The following TANC2 variants were observed in gnomAD, a reference collection of about 807,000 sequenced individuals.
TANC2 encodes protein TANC2.
TANC2 carries 26 observed loss-of-function variants against 210.5 expected under a neutral mutation model. The ratio of observed to expected loss-of-function variants is 0.12; its 90% CI spans 0.09 to 0.17. TANC2 has a LOEUF of 0.17. Ranked by LOEUF, TANC2 falls within the 10% of genes least tolerant of loss-of-function variation. The probability of loss-of-function intolerance (pLI) is 1.00; values close to 1 mark genes in which losing one functional copy is unlikely to be tolerated. For missense variants in TANC2, 2,129 were observed against 2,608.9 expected (o/e 0.82, Z 4.01); for synonymous variants, 931 against 967.1 (o/e 0.96, Z 0.69).
At chr17:62,999,663 A>G (rs973625273) in intron 1 of TANC2, among the ~76,000 whole-genome samples, 6 of 151,944 alleles carry the variant, frequency 3.9e-5, no homozygotes, top group African/African-American at 1.2e-4. Context: ...ATTAGCATCA[A>G]TGTGTTTTAT....
chr17:63,412,241 T>C lies in TANC2; in HGVS notation c.3898+111T>C. ...AGTGTATATAGTTCCCCCTCCTCCC[T>C]GGCCCAATTATTGTCCAAGTGAACA... On this transcript the variant is annotated intron_variant, in intron 23 of 27. Transcript: ENST00000689528. This position sits in a 1 kb window ranked among gnomAD's most constrained non-coding sequence, Gnocchi z 4.2. 1 of 1,447,428 alleles carries C rather than the reference T, an allele frequency of 6.9e-7. No individual in the cohort carries two copies. Among genetic ancestry groups the C allele is most frequent in the Non-Finnish European group, 9.4e-7 (1 of 1,065,898 alleles). 89.7% of individuals were successfully genotyped at this position (1,447,428 alleles called of 1,614,324 possible).
intron 4 of TANC2, among the ~76,000 whole-genome samples, chr17:63,135,740 C>G (rs906013638): frequency 6.6e-6 from 1 of 152,080 alleles, no homozygotes; most frequent in Non-Finnish European, 1.5e-5. Flanking sequence ...AGAAGTTGGT[C>G]TGACAAACAG....
At chr17:63,048,762 AAG>A (rs2035473334) in intron 2 of TANC2, among the ~76,000 whole-genome samples, 1 of 152,120 alleles carries the variant, frequency 6.6e-6, no homozygotes, top group African/African-American at 2.4e-5. Context: ...CATGGAGACA[AAG>A]AGGGGAACAA....
At chr17:63,120,597 T>G (rs1340673767) in intron 4 of TANC2, 1 of 152,098 alleles carries the variant, frequency 6.6e-6, no homozygotes, top group African/African-American at 2.4e-5. Flanking sequence ...GTGGATTGCT[T>G]GAGCTCAGGA....
intron 8 of TANC2, among the ~76,000 whole-genome samples, chr17:63,253,937 T>C (rs762644850): frequency 6.6e-6 from 1 of 152,206 alleles, no homozygotes; most frequent in African/African-American, 2.4e-5. Flanking sequence ...GCATGAGCAC[T>C]GTGCCTGCTG....
At chr17:63,290,711 C>T (rs1427349128) in intron 9 of TANC2, among the ~76,000 whole-genome samples, 1 of 152,016 alleles carries the variant, frequency 6.6e-6, no homozygotes, top group Non-Finnish European at 1.5e-5. Flanking sequence ...GAGGGTTAAT[C>T]TAGTGCCGCT....
intron 5 of TANC2, among the ~76,000 whole-genome samples, chr17:63,158,348 A>G (rs1191687900): frequency 2.0e-5 from 3 of 152,242 alleles, no homozygotes; most frequent in Non-Finnish European, 1.5e-5. Flanking sequence ...ATTGCTAACA[A>G]CATATTTCTC....
At chr17:63,161,994 A>T (rs2040043039) in intron 5 of TANC2, among the ~76,000 whole-genome samples, 1 of 152,166 alleles carries the variant, frequency 6.6e-6, no homozygotes, top group African/African-American at 2.4e-5. Context: ...CCACTTTGGT[A>T]GAATCTTGAT....
intron 8 of TANC2, among the ~76,000 whole-genome samples, chr17:63,253,312 T>C (rs1318754852): frequency 6.6e-6 from 1 of 152,208 alleles, no homozygotes; most frequent in Non-Finnish European, 1.5e-5. Context: ...TATAGAGTTA[T>C]TTGAGCTCCT....
chr17:63,335,169 A>T (rs994734962), intron 11 of TANC2, among the ~76,000 whole-genome samples: 2 of 152,186 alleles, frequency 1.3e-5, no homozygotes, highest in Non-Finnish European at 2.9e-5. Context: ...AAACATCACT[A>T]TCATGAACCC....
At chr17:63,081,948 G>A (rs534347809) in intron 3 of TANC2, among the ~76,000 whole-genome samples, 13 of 152,142 alleles carry the variant, frequency 8.5e-5, no homozygotes, top group East Asian at 1.9e-4. Flanking sequence ...GGTGGATCAC[G>A]AGATCAGGAG....
chr17:63,043,019 G>A lies in TANC2; in HGVS notation c.68-30924G>A, dbSNP rs183947935. Among the ~76,000 whole-genome samples the A allele has an allele frequency of 1.3e-3, 205 of 152,058 alleles. 1 individual carries two copies. The highest frequency in any genetic ancestry group is 3.5e-3 in the Admixed American group (53 of 15,264). On this transcript the variant is annotated intron_variant, in intron 2 of 27. Transcript: ENST00000689528. The stretch of plus-strand genomic sequence containing the variant: ...TGAAGACCTGTTCATAAAACTATTT[G>A]TATTTTAGAAAAGACTTTTCTTTGT...
At chr17:63,197,021 G>T (rs972239237) in intron 6 of TANC2, among the ~76,000 whole-genome samples, 1 of 152,146 alleles carries the variant, frequency 6.6e-6, no homozygotes, top group Middle Eastern at 3.2e-3. Context: ...CAGGGTTGTT[G>T]AAAGGATCAA....
In TANC2 at chr17:63,262,841, G is replaced by A. The variant is rs187792949; in HGVS notation, c.1034-4907G>A. Among the ~76,000 whole-genome samples the A allele has an allele frequency of 1.8e-4, 28 of 152,106 alleles. No individual in the cohort carries two copies. The East Asian group carries it at 2.1e-3, about 12-fold the overall frequency. ...GAACAGCAATAGGGATGGTTTTGTC[G>A]TTGTCCCTAATGTTTTAAAATAAGA... is the stretch of plus-strand genomic sequence containing the variant. On this transcript the variant is annotated intron_variant, in intron 8 of 27. Coordinates refer to ENST00000689528, the Ensembl canonical transcript of TANC2.
chr17:62,972,599 G>T (rs1302871601), intron 1 of TANC2, among the ~76,000 whole-genome samples: 1 of 152,034 alleles, frequency 6.6e-6, no homozygotes, highest in African/African-American at 2.4e-5. Flanking sequence ...CTTCCAGAGT[G>T]ATCTTTCTAG....
chr17:63,305,101 C>G (rs2044857135), intron 9 of TANC2, among the ~76,000 whole-genome samples: 1 of 152,200 alleles, frequency 6.6e-6, no homozygotes, highest in Admixed American at 6.5e-5. Flanking sequence ...TGCTGGTCAC[C>G]ACCCCCGCTA....
intron 2 of TANC2, among the ~76,000 whole-genome samples, chr17:63,059,430 G>C (rs2035917749): frequency 6.6e-6 from 1 of 152,176 alleles, no homozygotes; most frequent in African/African-American, 2.4e-5. Flanking sequence ...ACTCTCTTTT[G>C]ATGTTTTTAG....
intron 5 of TANC2, chr17:63,155,171 T>G (rs1486772035): frequency 2.0e-5 from 3 of 152,002 alleles, no homozygotes; most frequent in African/African-American, 7.2e-5. Flanking sequence ...CTCTTCCACC[T>G]ACTAGCTGTG....
At chr17:63,379,864 T>G in intron 15 of TANC2, 38 bp downstream of exon 15, 20 of 1,518,994 alleles carry the variant, frequency 1.3e-5, no homozygotes, top group Non-Finnish European at 1.8e-5. Flanking sequence ...CCGCCATCTC[T>G]AGCAGACTTT....
Sources: allele counts gnomAD v4.1 joint callset (sites outside exome capture counted in the v4.1 genomes callset), GRCh38; gene constraint gnomAD v4.1.1; non-coding constraint Gnocchi (gnomAD v3.1); transcripts MANE v1.5; gene names NCBI Gene and HGNC (gene_info 2026-07-23, HGNC 2026-07-21).